DIAPH2: variants seen among roughly 807,000 people sequenced by gnomAD.
The protein encoded by DIAPH2 is diaphanous related formin 2.
A neutral mutation model predicts 92.7 loss-of-function variants in DIAPH2; 35 were observed. That is an observed-to-expected ratio of 0.38 (90% CI 0.29 to 0.50). The LOEUF (loss-of-function observed/expected upper bound fraction) is 0.50. DIAPH2 is among the 20% of genes least tolerant of loss of function. The pLI is 0.94. For missense variants in DIAPH2, 701 were observed against 819.5 expected, an observed-to-expected ratio of 0.86 and a Z score of 1.77; for synonymous variants, 301 against 280.4, an observed-to-expected ratio of 1.07 and a Z score of -0.73.
intron 3 of DIAPH2, among the ~76,000 whole-genome samples, chrX:96,740,792 A>G (rs1422430870): frequency 9.0e-6 from 1 of 110,936 alleles, no homozygotes; most frequent in African/African-American, 3.3e-5. Flanking sequence ...TTGCCCTATG[A>G]TTTGGACACA....
chrX:97,348,235 A>G lies in DIAPH2; in HGVS notation c.2964A>G (p.Ile988Met), dbSNP rs1373451899. The G allele has an allele frequency of 2.5e-6, 3 of 1,208,150 alleles. No individual in the cohort carries two copies. Among genetic ancestry groups the G allele is most frequent in the Non-Finnish European group, 3.4e-6 (3 of 894,701 alleles). Residue 988 changes from isoleucine to methionine, a missense_variant, in exon 24 of 27, where the codon ATA (isoleucine) becomes ATG (methionine). Physicochemically the swap from Ile to Met is conservative, Grantham distance 10. Around this residue, in one of 3 missense-constraint regions of DIAPH2, gnomAD observed 536 missense variants for 599.3 expected, o/e 0.89. Transcript: ENST00000324765. ...TTTTTGACTCAAAGACAGTGAGCATAGAAGAGTTCTTTGGTGATCTCAACA... is the reference window on the plus strand; with the variant it reads ...TTTTTGACTCAAAGACAGTGAGCATGGAAGAGTTCTTTGGTGATCTCAACA... Reference protein sequence around the residue: ...YFIFDSKTVSIEEFFGDLNNF... With the variant: ...YFIFDSKTVSMEEFFGDLNNF...
In DIAPH2 at chrX:96,908,594, T is replaced by C. The variant is rs142390620; in HGVS notation, c.588-3734T>C. The stretch of plus-strand genomic sequence containing the variant: ...TATATCTGTTTCAACTGGATTCCTT[T>C]TTTTTGTTTGTTTGTTTTTTTTGAG... On this transcript the variant is annotated intron_variant, in intron 5 of 26. Transcript: ENST00000324765. 6.7e-3 allele frequency among the ~76,000 whole-genome samples: 740 copies of C among 111,089 alleles called. 8 individuals carry two copies. The highest frequency in any genetic ancestry group is 0.023 in the African/African-American group (712 of 30,551).
chrX:97,501,719 A>G (rs979352323), intron 26 of DIAPH2, among the ~76,000 whole-genome samples: 8 of 112,272 alleles, frequency 7.1e-5, no homozygotes, highest in Non-Finnish European at 1.5e-4. Flanking sequence ...ATGCCTTTTA[A>G]TAAAGCGGGC....
chrX:97,178,128 G>T (rs1014579519), intron 22 of DIAPH2, among the ~76,000 whole-genome samples: 5 of 110,090 alleles, frequency 4.5e-5, no homozygotes, highest in Non-Finnish European at 7.6e-5. Context: ...GGGGGGCCTT[G>T]GGGGGAATGC....
chrX:97,245,234 G>A (rs990730960), intron 22 of DIAPH2, among the ~76,000 whole-genome samples: 1 of 110,728 alleles, frequency 9.0e-6, no homozygotes, highest in African/African-American at 3.3e-5. Flanking sequence ...GAGCTCCCAG[G>A]CTCAAGCGAT....
chrX:97,399,019 T>C (rs1441518795), intron 25 of DIAPH2, among the ~76,000 whole-genome samples: 1 of 111,343 alleles, frequency 9.0e-6, no homozygotes, highest in Admixed American at 9.5e-5. Context: ...TCTGGTATTA[T>C]AGGCGTGAGC....
chrX:96,807,408 C>G (rs1364303518), intron 4 of DIAPH2, among the ~76,000 whole-genome samples: 2 of 111,842 alleles, frequency 1.8e-5, no homozygotes, highest in African/African-American at 6.5e-5. Context: ...ACCCAAGAAA[C>G]ATGAGGTGAA....
intron 22 of DIAPH2, among the ~76,000 whole-genome samples, chrX:97,208,461 T>A (rs2067815009): frequency 8.9e-6 from 1 of 112,192 alleles, no homozygotes; most frequent in African/African-American, 3.2e-5. Flanking sequence ...TTAATTTGCT[T>A]AATTTGTTTC....
chrX:97,174,328 G>T (rs5920811), intron 22 of DIAPH2, among the ~76,000 whole-genome samples: 3,336 of 110,452 alleles, frequency 0.03, 48 homozygotes, highest in Non-Finnish European at 0.041. Context: ...GTCAGAAGAC[G>T]TAGCAAGAAT....
intron 13 of DIAPH2, 25 bp downstream of exon 13, chrX:96,942,161 C>T (rs755723081): frequency 1.1e-6 from 1 of 945,138 alleles, no homozygotes; most frequent in South Asian, 2.0e-5. Context: ...CCTCATTGTC[C>T]TCTGATTGTG....
intron 26 of DIAPH2, among the ~76,000 whole-genome samples, chrX:97,568,616 A>G (rs1183333551): frequency 8.9e-6 from 1 of 111,852 alleles, no homozygotes; most frequent in Non-Finnish European, 1.9e-5. Context: ...TGCTGGTATG[A>G]ATCTCTAGAA....
intron 16 of DIAPH2, among the ~76,000 whole-genome samples, chrX:96,961,177 A>G (rs1391058029): frequency 9.0e-6 from 1 of 111,005 alleles, no homozygotes; most frequent in Non-Finnish European, 1.9e-5. Context: ...TCTTTTTTAC[A>G]AGTTTGGAAG....
intron 23 of DIAPH2, among the ~76,000 whole-genome samples, chrX:97,280,901 C>G (rs1030880998): frequency 1.8e-5 from 2 of 111,799 alleles, no homozygotes; most frequent in Non-Finnish European, 3.8e-5. Flanking sequence ...ATTAAAACCA[C>G]CAGATCTTTT....
intron 9 of DIAPH2, among the ~76,000 whole-genome samples, chrX:96,930,275 T>C (rs2065610956): frequency 1.8e-5 from 2 of 110,950 alleles, no homozygotes; most frequent in Admixed American, 1.9e-4. Context: ...ATCAATGTAA[T>C]AATTTATCTA....
At chrX:97,029,486 C>T (rs1175828067) in intron 17 of DIAPH2, among the ~76,000 whole-genome samples, 2 of 111,173 alleles carry the variant, frequency 1.8e-5, no homozygotes, top group East Asian at 5.6e-4. Flanking sequence ...GTTGTGTTTT[C>T]ATTTTCATGT....
At chrX:97,311,398 G>C (rs1197457501) in intron 23 of DIAPH2, among the ~76,000 whole-genome samples, 1 of 111,737 alleles carries the variant, frequency 8.9e-6, no homozygotes, top group Non-Finnish European at 1.9e-5. Flanking sequence ...AATTCACTCA[G>C]AGCCAGCTGT....
At chrX:96,749,145 A>AATATATATATATAT (rs56745873) in intron 3 of DIAPH2, among the ~76,000 whole-genome samples, 2 of 79,827 alleles carry the variant, frequency 2.5e-5, no homozygotes, top group African/African-American at 1.0e-4. Flanking sequence ...AAAAAAAAAA[A>AATATATATATATAT]ATATATATAT....
At chrX:97,401,233 C>T (rs1191651827) in intron 25 of DIAPH2, among the ~76,000 whole-genome samples, 1 of 110,940 alleles carries the variant, frequency 9.0e-6, no homozygotes, top group Admixed American at 9.6e-5. Context: ...TCTTGTTAAC[C>T]TCCTATGATC....
At chrX:97,553,982 C>A (rs1319010137) in intron 26 of DIAPH2, among the ~76,000 whole-genome samples, 1 of 111,333 alleles carries the variant, frequency 9.0e-6, no homozygotes, top group African/African-American at 3.3e-5. Flanking sequence ...TGTATATGTA[C>A]CTTGTATATG....
Sources: gnomAD v4.1 joint callset for allele counts (sites outside exome capture counted in the v4.1 genomes callset) on GRCh38, gnomAD v4.1.1 for gene constraint, gnomAD v4.1.1 regional missense constraint, MANE v1.5 for transcripts, NCBI Gene and HGNC (gene_info 2026-07-23, HGNC 2026-07-21) for gene names.